CA13: variants seen among roughly 807,000 people sequenced by gnomAD.
CA13 encodes the protein CA-XIII.
CA13 carries 21 observed loss-of-function variants against 31.5 expected under a neutral mutation model. That is an observed-to-expected ratio of 0.67 (90% CI 0.47 to 0.96). The LOEUF (loss-of-function observed/expected upper bound fraction) is 0.96, where lower values mean the gene tolerates loss of function less well. CA13 is among the 40% of genes least tolerant of loss of function. The probability of loss-of-function intolerance (pLI) is 0.00; values close to 1 mark genes in which losing one functional copy is unlikely to be tolerated. For missense variants in CA13, 315 were observed against 318.9 expected (o/e 0.99, Z 0.09); for synonymous variants, 117 against 111.4 (o/e 1.05, Z -0.32).
At chr8:85,256,602 G>A (rs1227344827) in intron 2 of CA13, among the ~76,000 whole-genome samples, 1 of 152,140 alleles carries the variant, frequency 6.6e-6, no homozygotes, top group Non-Finnish European at 1.5e-5. Context: ...AAAAGATTTA[G>A]TAGGTGGACA....
intron 1 of CA13, among the ~76,000 whole-genome samples, chr8:85,249,308 G>A (rs12546106): frequency 0.61 from 93,090 of 151,896 alleles, 29,036 homozygotes; most frequent in Non-Finnish European, 0.65. Context: ...AGACCAGCCT[G>A]TAGTGAGACT....
At chr8:85,246,557 G>GA (rs1434354333) in intron 1 of CA13, 7 of 454,424 alleles carry the variant, frequency 1.5e-5, no homozygotes, top group African/African-American at 4.0e-5. Flanking sequence ...AAGGATTACT[G>GA]AAATTATAAT....
chr8:85,266,717 G>C lies in CA13; in HGVS notation c.450+14G>C, dbSNP rs1299192841. On this transcript the variant is annotated intron_variant, in intron 4 of 6. Transcript: ENST00000321764. ...GTGTTTTTACAGGTGAGAATCTACT[G>C]TTTTCATTTTAAATGATCAGCCTTG... The C allele has an allele frequency of 1.9e-6, 3 of 1,594,192 alleles. No individual in the cohort carries two copies. In the South Asian group the frequency reaches 3.3e-5, roughly 18 times the overall value.
intron 6 of CA13, among the ~76,000 whole-genome samples, chr8:85,277,572 C>T (rs1399349070): frequency 1.3e-5 from 2 of 152,296 alleles, no homozygotes; most frequent in Non-Finnish European, 1.5e-5. Context: ...ACACTCAAAA[C>T]AGCTCAGAGG....
chr8:85,246,158 A>G (rs1243675130), intron 1 of CA13: 16 of 544,368 alleles, frequency 2.9e-5, no homozygotes, highest in Non-Finnish European at 3.3e-5. Flanking sequence ...TGAAAAGCCA[A>G]GGACTTTGCC....
intron 6 of CA13, among the ~76,000 whole-genome samples, chr8:85,276,317 T>C (rs1807606865): frequency 6.6e-6 from 1 of 152,298 alleles, no homozygotes; most frequent in African/African-American, 2.4e-5. Context: ...CCAACCTCCG[T>C]GGGCTCCTGT....
At chr8:85,276,166 C>T (rs528741803) in intron 6 of CA13, among the ~76,000 whole-genome samples, 22 of 152,260 alleles carry the variant, frequency 1.4e-4, no homozygotes, top group Non-Finnish European at 2.1e-4. Flanking sequence ...AGCGGCGGGC[C>T]GGCCCCGCGG....
chr8:85,252,285 TA>T (rs1280923065), intron 2 of CA13, among the ~76,000 whole-genome samples: 3 of 152,064 alleles, frequency 2.0e-5, no homozygotes, highest in Non-Finnish European at 4.4e-5. Flanking sequence ...AAAATAATTT[TA>T]AAAGTTGAAT....
At position 85,254,801 on chromosome 8, in the gene CA13, T is replaced by C. The variant is rs1587535442; in HGVS notation, c.235+3864T>C. On this transcript the variant is annotated intron_variant, in intron 2 of 6. Coordinates refer to ENST00000321764, the MANE Select transcript of CA13 (RefSeq NM_198584.3). The stretch of plus-strand genomic sequence containing the variant: ...TTTTTTTTTTTTTGGTTTTGTTTTT[T>C]TTTTATTTTTGGTAAACTATAAAAA... 3.3e-5 allele frequency among the ~76,000 whole-genome samples: 5 copies of C among 151,762 alleles called. No individual in the cohort carries two copies. The South Asian group carries it at 1.0e-3, about 32-fold the overall frequency.
intron 6 of CA13, among the ~76,000 whole-genome samples, chr8:85,268,840 T>C (rs1807491573): frequency 1.3e-5 from 2 of 152,202 alleles, no homozygotes; most frequent in Admixed American, 6.5e-5. Context: ...GAAATGTACA[T>C]AGCGACACTG....
rs370897695 is a variant in CA13, at chr8:85,267,359, G to A, written c.451-543G>A. 1.0e-4 allele frequency: 92 copies of A among 892,916 alleles called. 1 individual carries two copies. In the South Asian group the frequency reaches 3.8e-3, roughly 37 times the overall value. The allele number at this position is 892,916 out of a possible 1,614,324, so 55.3% of individuals were successfully genotyped here. On this transcript the variant is annotated intron_variant, in intron 4 of 6. Coordinates refer to ENST00000321764, the MANE Select transcript of CA13 (RefSeq NM_198584.3). ...GATCCGGGTGCTTTAAAACCTTCAGGTAGATTCAGATCACCTGTAATAATG... is the reference window on the plus strand; with the variant it reads ...GATCCGGGTGCTTTAAAACCTTCAGATAGATTCAGATCACCTGTAATAATG...
intron 6 of CA13, among the ~76,000 whole-genome samples, chr8:85,277,023 C>T (rs375653678): frequency 7.2e-5 from 11 of 152,110 alleles, no homozygotes; most frequent in South Asian, 4.1e-4. Flanking sequence ...GGATTGTAAA[C>T]GCACCAATCA....
chr8:85,280,361 A>G (rs1268887781), intron 6 of CA13, among the ~76,000 whole-genome samples: 2 of 152,204 alleles, frequency 1.3e-5, no homozygotes, highest in African/African-American at 4.8e-5. Context: ...TCCTATTGCC[A>G]TAGAGCATGG....
chr8:85,281,166 A>G (rs1807698459), intron 6 of CA13, 64 bp from the exon 7 acceptor site: 3 of 1,567,208 alleles, frequency 1.9e-6, no homozygotes, highest in Admixed American at 1.7e-5. Flanking sequence ...TTCTTTATGC[A>G]GGGTAATTCA....
intron 2 of CA13, among the ~76,000 whole-genome samples, chr8:85,259,053 C>T (rs1183856399): frequency 6.6e-6 from 1 of 152,202 alleles, no homozygotes; most frequent in African/African-American, 2.4e-5. Flanking sequence ...CTCTACCAAG[C>T]TCAAACTGGA....
chr8:85,274,264 CTT>C (rs955880311), intron 6 of CA13, among the ~76,000 whole-genome samples: 10 of 152,176 alleles, frequency 6.6e-5, no homozygotes, highest in African/African-American at 2.4e-4. Flanking sequence ...AAAAGAAAAA[CTT>C]AATTTTTTGG....
chr8:85,257,529 T>G (rs1807316597), intron 2 of CA13, among the ~76,000 whole-genome samples: 2 of 151,092 alleles, frequency 1.3e-5, no homozygotes, highest in African/African-American at 4.9e-5. Context: ...GAGACCAGCC[T>G]AGGCAATATG....
chr8:85,268,035 G>T, intron 5 of CA13, 71 bp downstream of exon 5: 1 of 1,000,298 alleles, frequency 1.0e-6, no homozygotes, highest in South Asian at 1.6e-5. Flanking sequence ...TTCCTTTAAA[G>T]ACTTAGACAT....
At position 85,282,667 on chromosome 8, in the gene CA13, A is replaced by G. The variant is rs1564006946; in HGVS notation, c.*1318A>G. On this transcript the variant is annotated 3_prime_UTR_variant, in exon 7 of 7. Coordinates refer to ENST00000321764, the MANE Select transcript of CA13 (RefSeq NM_198584.3). Reference sequence around the variant, plus strand: ...TTTTATACATGTCCTTCAGTCTCTTAATTTTGTCAGGTGGAGCTTGATCTT... The same window carrying G: ...TTTTATACATGTCCTTCAGTCTCTTGATTTTGTCAGGTGGAGCTTGATCTT... 1 of 152,136 alleles carries G rather than the reference A, an allele frequency of 6.6e-6. No homozygotes were observed. Among genetic ancestry groups the G allele is most frequent in the Non-Finnish European group, 1.5e-5 (1 of 68,012 alleles). 9.4% of individuals were successfully genotyped at this position (152,136 alleles called of 1,614,324 possible).
Sources: allele counts gnomAD v4.1 joint callset (sites outside exome capture counted in the v4.1 genomes callset), GRCh38; gene constraint gnomAD v4.1.1; transcripts MANE v1.5; gene names NCBI Gene and HGNC (gene_info 2026-07-23, HGNC 2026-07-21).